LRMDA: variants seen among roughly 807,000 people sequenced by gnomAD.
LRMDA encodes the protein leucine-rich melanocyte differentiation-associated protein.
LRMDA carries 18 observed loss-of-function variants against 29.8 expected under a neutral mutation model. The observed-to-expected ratio is 0.60, with a 90% CI of 0.42 to 0.90. The LOEUF is 0.90. LRMDA is among the 40% of genes least tolerant of loss of function. The probability of loss-of-function intolerance (pLI) is 0.00; values close to 1 mark genes in which losing one functional copy is unlikely to be tolerated. For synonymous variants in LRMDA, 125 were observed against 109.4 expected, an observed-to-expected ratio of 1.14 and a Z score of -0.89; for missense variants, 273 against 273.9, an observed-to-expected ratio of 1.00 and a Z score of 0.02.
intron 6 of LRMDA, among the ~76,000 whole-genome samples, chr10:76,416,845 G>T (rs868161653): frequency 6.6e-6 from 1 of 152,186 alleles, no homozygotes; most frequent in East Asian, 1.9e-4. Flanking sequence ...GGAAATGTGC[G>T]TGTGCCTGTG....
At chr10:76,275,020 G>A (rs373907793) in intron 5 of LRMDA, among the ~76,000 whole-genome samples, 1 of 152,090 alleles carries the variant, frequency 6.6e-6, no homozygotes, top group East Asian at 1.9e-4. Flanking sequence ...CTCCACTCCT[G>A]AATTCTTACT....
intron 5 of LRMDA, among the ~76,000 whole-genome samples, chr10:76,183,146 A>T (rs1851084761): frequency 6.6e-6 from 1 of 152,222 alleles, no homozygotes; most frequent in Non-Finnish European, 1.5e-5. Context: ...TTCACAGAGC[A>T]AACTTACCTT....
At chr10:75,879,879 CTGAG>C (rs1845265963) in intron 2 of LRMDA, among the ~76,000 whole-genome samples, 2 of 152,126 alleles carry the variant, frequency 1.3e-5, no homozygotes, top group Non-Finnish European at 2.9e-5. Context: ...ATTTCCTTTA[CTGAG>C]TATCAGAAAG....
At chr10:75,513,047 T>C (rs1381630832) in intron 2 of LRMDA, among the ~76,000 whole-genome samples, 1 of 152,202 alleles carries the variant, frequency 6.6e-6, no homozygotes, top group African/African-American at 2.4e-5. Context: ...ATTGTTTAAC[T>C]GGAAAATTAA....
At chr10:75,667,474 A>G (rs1841837824) in intron 2 of LRMDA, among the ~76,000 whole-genome samples, 1 of 152,158 alleles carries the variant, frequency 6.6e-6, no homozygotes, top group African/African-American at 2.4e-5. Context: ...ATTTTTAAAA[A>G]TTATTTTTAG....
At chr10:75,610,979 A>C (rs570577301) in intron 2 of LRMDA, among the ~76,000 whole-genome samples, 1 of 151,872 alleles carries the variant, frequency 6.6e-6, no homozygotes, top group African/African-American at 2.4e-5. Flanking sequence ...TGCTGAGGGG[A>C]GGTGGACTTG....
chr10:76,553,113 G>C (rs1183877760), intron 6 of LRMDA, among the ~76,000 whole-genome samples: 1 of 152,158 alleles, frequency 6.6e-6, no homozygotes, highest in East Asian at 1.9e-4. Context: ...GAAAAATTAG[G>C]AGTCTCATTT....
rs75521028 is a variant in LRMDA, at chr10:75,434,918, G to T, written c.30+3164G>T. Among the ~76,000 whole-genome samples the T allele has an allele frequency of 6.3e-3, 953 of 152,334 alleles. 9 individuals are homozygous for T. Among genetic ancestry groups the T allele is most frequent in the African/African-American group, 0.018 (741 of 41,562 alleles). On this transcript the variant is annotated intron_variant, in intron 1 of 6. Transcript: ENST00000611255. Reference sequence around the variant, plus strand: ...GAAACCTGCAGTCTTCTGCAGTTTGGTTATTTTCTGCAGCTTCGGCTTGGA... The same window carrying T: ...GAAACCTGCAGTCTTCTGCAGTTTGTTTATTTTCTGCAGCTTCGGCTTGGA...
intron 6 of LRMDA, among the ~76,000 whole-genome samples, chr10:76,485,398 G>C (rs1589211538): frequency 6.6e-6 from 1 of 151,818 alleles, no homozygotes; most frequent in Non-Finnish European, 1.5e-5. Flanking sequence ...ATTATGGATA[G>C]TGTGGGTACC....
intron 5 of LRMDA, among the ~76,000 whole-genome samples, chr10:76,314,358 C>T (rs1460072873): frequency 1.3e-5 from 2 of 152,158 alleles, no homozygotes; most frequent in African/African-American, 4.8e-5. Flanking sequence ...AGGTGTGAGC[C>T]ATCGTGCCCA....
intron 2 of LRMDA, among the ~76,000 whole-genome samples, chr10:76,001,074 C>G (rs948556172): frequency 1.3e-5 from 2 of 152,152 alleles, no homozygotes; most frequent in African/African-American, 4.8e-5. Flanking sequence ...TTCTTGATTC[C>G]TGATCTGATG....
At chr10:75,439,981 A>T (rs1213008171) in intron 2 of LRMDA, among the ~76,000 whole-genome samples, 1 of 151,554 alleles carries the variant, frequency 6.6e-6, no homozygotes, top group Non-Finnish European at 1.5e-5. Flanking sequence ...TGCCCTGAGT[A>T]GTTAGTGGGA....
At chr10:76,188,573 C>G (rs902826088) in intron 5 of LRMDA, among the ~76,000 whole-genome samples, 5 of 152,170 alleles carry the variant, frequency 3.3e-5, no homozygotes, top group African/African-American at 4.8e-5. Context: ...CTAAGTTTGG[C>G]AACCCATATT....
intron 2 of LRMDA, among the ~76,000 whole-genome samples, chr10:75,512,543 A>C (rs1318366884): frequency 6.6e-6 from 1 of 152,106 alleles, no homozygotes; most frequent in Non-Finnish European, 1.5e-5. Flanking sequence ...TTTGAAGTTG[A>C]GTTAGTTTTT....
rs1021786380 is a variant in LRMDA at position 75,691,000 on chromosome 10, C to T, written c.131+252506C>T. On this transcript the variant is annotated intron_variant, in intron 2 of 6. Coordinates refer to ENST00000611255, the MANE Select transcript of LRMDA (RefSeq NM_001305581.2). ...AAAAATATATATATATATATACACA[C>T]ACACACACACACACACACACACACA... 1.6e-3 allele frequency among the ~76,000 whole-genome samples: 204 copies of T among 131,156 alleles called. 1 individual carries two copies. Among genetic ancestry groups the T allele is most frequent in the African/African-American group, 5.4e-3 (178 of 32,976 alleles). 86.0% of individuals were successfully genotyped at this position (131,156 alleles called of 152,430 possible). A position where few individuals can be genotyped will look rare whatever the true frequency, so the allele number is the denominator to read the frequency against.
At chr10:75,897,607 G>GGTA (rs1372742374) in intron 2 of LRMDA, among the ~76,000 whole-genome samples, 2 of 152,032 alleles carry the variant, frequency 1.3e-5, no homozygotes, top group African/African-American at 4.8e-5. Flanking sequence ...TTACAGCCAG[G>GGTA]GAAACTGAGG....
intron 5 of LRMDA, among the ~76,000 whole-genome samples, chr10:76,181,075 G>A (rs1851040665): frequency 6.6e-6 from 1 of 152,152 alleles, no homozygotes; most frequent in African/African-American, 2.4e-5. Context: ...CTCTTTTACT[G>A]TCATGCTCCC....
intron 5 of LRMDA, among the ~76,000 whole-genome samples, chr10:76,089,009 C>G (rs1414993261): frequency 6.6e-6 from 1 of 152,156 alleles, no homozygotes; most frequent in Non-Finnish European, 1.5e-5. Flanking sequence ...AGTTCCTACT[C>G]TATGGAAGTC....
intron 2 of LRMDA, among the ~76,000 whole-genome samples, chr10:75,855,930 G>A (rs1844818041): frequency 6.6e-6 from 1 of 152,168 alleles, no homozygotes; most frequent in South Asian, 2.1e-4. Context: ...CTATATCTCT[G>A]TTTTGGTGCC....
Sources: gnomAD v4.1 joint callset for allele counts (sites outside exome capture counted in the v4.1 genomes callset) on GRCh38, gnomAD v4.1.1 for gene constraint, MANE v1.5 for transcripts, NCBI Gene and HGNC (gene_info 2026-07-23, HGNC 2026-07-21) for gene names.